Variants in YWHAE observed in about 807,000 individuals in gnomAD.
The protein encoded by YWHAE is 14-3-3 protein epsilon.
YWHAE carries 4 observed loss-of-function variants against 30.1 expected under a neutral mutation model. The ratio of observed to expected loss-of-function variants is 0.13; its 90% CI spans 0.07 to 0.30. YWHAE has a LOEUF of 0.30. YWHAE is among the 10% of genes least tolerant of loss of function. YWHAE has a pLI of 1.00. For synonymous variants in YWHAE, 118 were observed against 111.8 expected, an observed-to-expected ratio of 1.06 and a Z score of -0.35; for missense variants, 121 against 315.9, an observed-to-expected ratio of 0.38 and a Z score of 4.68.
In YWHAE at chr17:1,354,061, C is replaced by T; in HGVS notation, c.715+150G>A. The stretch of plus-strand genomic sequence containing the variant: ...GGAACTCCGTACTGTAGCACCATTT[C>T]CTATAAAGGCAGCAATTACAATTTC... On this transcript the variant is annotated intron_variant, in intron 5 of 5. Coordinates refer to ENST00000264335, the MANE Select transcript of YWHAE (RefSeq NM_006761.5). 3 of 998,010 alleles carry T rather than the reference C, an allele frequency of 3.0e-6. No homozygotes were observed. In the South Asian group the frequency reaches 5.6e-5, roughly 19 times the overall value. The allele number at this position is 998,010 out of a possible 1,614,324, so 61.8% of individuals were successfully genotyped here.
chr17:1,398,186 C>G (rs1382518764), intron 1 of YWHAE, among the ~76,000 whole-genome samples: 3 of 152,108 alleles, frequency 2.0e-5, no homozygotes, highest in African/African-American at 7.2e-5. Flanking sequence ...TTTGTTTCCT[C>G]CCAAGAACAC....
At chr17:1,373,872 G>C (rs763376321) in intron 1 of YWHAE, among the ~76,000 whole-genome samples, 1 of 151,994 alleles carries the variant, frequency 6.6e-6, no homozygotes, top group Non-Finnish European at 1.5e-5. Flanking sequence ...ATACAGTATG[G>C]AGCCTCCCAT....
At chr17:1,393,699 G>A (rs1327078189) in intron 1 of YWHAE, among the ~76,000 whole-genome samples, 2 of 152,206 alleles carry the variant, frequency 1.3e-5, no homozygotes, top group Non-Finnish European at 2.9e-5. Flanking sequence ...CCACAGTGCT[G>A]GGATTGCAGG....
intron 4 of YWHAE, among the ~76,000 whole-genome samples, chr17:1,357,049 C>T (rs2150844917): frequency 6.6e-6 from 1 of 151,568 alleles, no homozygotes; most frequent in South Asian, 2.1e-4. Flanking sequence ...GAGGGCAGAT[C>T]ACGAGGTCAG....
At chr17:1,394,614 A>ATTTTTTT in intron 1 of YWHAE, among the ~76,000 whole-genome samples, 1 of 151,472 alleles carries the variant, frequency 6.6e-6, no homozygotes, top group East Asian at 1.9e-4. Flanking sequence ...TCAAAAAAAA[A>ATTTTTTT]TTTTTTTTTA....
rs2073395218 is a variant in YWHAE at position 1,391,989 on chromosome 17, G to GATT, written c.64+8057_64+8058insAAT. ...CGCAAAACTTTGGGAGGCCGAGGCA[G>GATT]GTGAATCTTGAGCTCGAGTTCAAGA... On this transcript the variant is annotated intron_variant, in intron 1 of 5. Transcript: ENST00000264335. Among the ~76,000 whole-genome samples the GATT allele has an allele frequency of 2.0e-5, 3 of 152,194 alleles. No individual in the cohort carries two copies. The South Asian group carries it at 6.2e-4, about 32-fold the overall frequency.
intron 1 of YWHAE, among the ~76,000 whole-genome samples, chr17:1,388,710 C>G (rs1567983833): frequency 6.6e-6 from 1 of 151,496 alleles, no homozygotes; most frequent in Non-Finnish European, 1.5e-5. Flanking sequence ...CTTTGATGAG[C>G]TAAGAAACCC....
chr17:1,344,845 CA>C lies in YWHAE; in HGVS notation c.*601del, dbSNP rs904981743. 1 of 232,932 alleles carries C rather than the reference CA, an allele frequency of 4.3e-6. No individual in the cohort carries two copies. Among genetic ancestry groups the C allele is most frequent in the African/African-American group, 2.2e-5 (1 of 45,280 alleles). The allele number at this position is 232,932 out of a possible 1,614,324, so 14.4% of individuals were successfully genotyped here. ...GGAGAGTAAAGTAGGCAAGAATGAG[CA>C]GCCACGGATTGTTGAACTGTTACCA... On this transcript the variant is annotated 3_prime_UTR_variant, in exon 6 of 6. Transcript: ENST00000264335.
At chr17:1,377,605 C>T (rs955175017) in intron 1 of YWHAE, among the ~76,000 whole-genome samples, 1 of 151,582 alleles carries the variant, frequency 6.6e-6, no homozygotes, top group Admixed American at 6.6e-5. Flanking sequence ...CAGAGCAAGA[C>T]TCTGTCTCTC....
chr17:1,392,556 A>T (rs1272797039), intron 1 of YWHAE, among the ~76,000 whole-genome samples: 1 of 152,106 alleles, frequency 6.6e-6, no homozygotes, highest in East Asian at 1.9e-4. Flanking sequence ...TAGAAGTTGT[A>T]TGTCTATATC....
intron 2 of YWHAE, among the ~76,000 whole-genome samples, chr17:1,363,403 T>C (rs2072893259): frequency 6.6e-6 from 1 of 151,972 alleles, no homozygotes; most frequent in South Asian, 2.1e-4. Context: ...GTAGCTGGGA[T>C]TACAGGTGCC....
intron 1 of YWHAE, among the ~76,000 whole-genome samples, chr17:1,376,654 G>C (rs1439197020): frequency 6.6e-6 from 1 of 152,092 alleles, no homozygotes; most frequent in Non-Finnish European, 1.5e-5. Flanking sequence ...CAGTAAACCT[G>C]ATTTTCCCAA....
intron 3 of YWHAE, 29 bp downstream of exon 3, chr17:1,361,873 T>C (rs1470364031): frequency 3.4e-6 from 5 of 1,480,108 alleles, no homozygotes; most frequent in East Asian, 2.3e-5. Flanking sequence ...CTTTCAATCT[T>C]ACATTTTCCC....
intron 5 of YWHAE, among the ~76,000 whole-genome samples, chr17:1,350,252 G>A (rs996011022): frequency 6.6e-5 from 10 of 151,888 alleles, no homozygotes; most frequent in South Asian, 2.1e-4. Context: ...GCACCAGGCC[G>A]TATTACCCTA....
intron 1 of YWHAE, among the ~76,000 whole-genome samples, chr17:1,372,824 G>C (rs973317720): frequency 6.6e-6 from 1 of 152,100 alleles, no homozygotes; most frequent in African/African-American, 2.4e-5. Context: ...ATGGTGATGT[G>C]TGCCTGTCGT....
chr17:1,348,944 T>C (rs1234738624), intron 5 of YWHAE, among the ~76,000 whole-genome samples: 1 of 151,304 alleles, frequency 6.6e-6, no homozygotes, highest in African/African-American at 2.4e-5. Flanking sequence ...GAGAATGGCG[T>C]GAACCCGGGA....
At chr17:1,388,098 TTTGTTTTTTTTTTTGGTTGG>T (rs1204506798) in intron 1 of YWHAE, among the ~76,000 whole-genome samples, 11 of 76,938 alleles carry the variant, frequency 1.4e-4, no homozygotes, top group South Asian at 4.9e-4. Context: ...CTGGGTAATT[TTTGTTTTTTTTTTTGGTTGG>T]TTTTTTTTTT....
intron 1 of YWHAE, among the ~76,000 whole-genome samples, chr17:1,396,719 G>T (rs930958296): frequency 5.9e-5 from 9 of 152,076 alleles, no homozygotes; most frequent in Non-Finnish European, 1.2e-4. Flanking sequence ...TCGGCCTCCC[G>T]GGTTCAAGTG....
chr17:1,346,401 G>A (rs886694181), intron 5 of YWHAE, among the ~76,000 whole-genome samples: 4 of 152,086 alleles, frequency 2.6e-5, no homozygotes, highest in African/African-American at 4.8e-5. Context: ...CAAAATAAAT[G>A]AAAAATCAAC....
Sources: gnomAD v4.1 joint callset for allele counts (sites outside exome capture counted in the v4.1 genomes callset) on GRCh38, gnomAD v4.1.1 for gene constraint, MANE v1.5 for transcripts, NCBI Gene and HGNC (gene_info 2026-07-23, HGNC 2026-07-21) for gene names.